The following NBEA variants were observed in gnomAD, a reference collection of about 807,000 sequenced individuals.
NBEA encodes the protein lysosomal-trafficking regulator 2.
In NBEA, 44 loss-of-function variants were observed where a neutral mutation model predicts 343.4. The ratio of observed to expected loss-of-function variants is 0.13; its 90% CI spans 0.10 to 0.16. The LOEUF is 0.16. Among genes scored for constraint, NBEA ranks in the 10% least tolerant of loss-of-function variants. The probability of loss-of-function intolerance (pLI) is 1.00; values close to 1 mark genes in which losing one functional copy is unlikely to be tolerated. For synonymous variants in NBEA, 1,175 were observed against 1,238.7 expected (o/e 0.95, Z 1.08); for missense variants, 2,555 against 3,631.3 (o/e 0.70, Z 7.62).
chr13:35,211,258 AAG>A (rs2073752968), intron 33 of NBEA, 79 bp downstream of exon 33: 2 of 1,225,166 alleles, frequency 1.6e-6, no homozygotes, highest in African/African-American at 1.5e-5. Context: ...AAAATATAGA[AAG>A]AGTTCTTGAG....
intron 40 of NBEA, among the ~76,000 whole-genome samples, chr13:35,464,361 G>A (rs1286291143): frequency 4.6e-5 from 7 of 152,018 alleles, no homozygotes. Context: ...CTGTGTTTTT[G>A]TCCAAACTAT....
intron 38 of NBEA, among the ~76,000 whole-genome samples, chr13:35,424,616 C>T (rs1443815842): frequency 3.9e-5 from 6 of 151,956 alleles, no homozygotes; most frequent in Non-Finnish European, 7.4e-5. Context: ...TTCTCTTTTT[C>T]AGTTGGGTCT....
Position 35,096,781 on chromosome 13 carries a change from G to C in NBEA, c.1572-1516G>C, listed in dbSNP as rs189553703. Among the ~76,000 whole-genome samples the C allele has an allele frequency of 1.6e-3, 248 of 151,860 alleles. 1 individual carries two copies. The highest frequency in any genetic ancestry group is 5.8e-3 in the African/African-American group (241 of 41,500). On this transcript the variant is annotated intron_variant, in intron 10 of 58. Transcript: ENST00000379939. The stretch of plus-strand genomic sequence containing the variant: ...GTAATATAGTACTTAGCAATTATTC[G>C]TGAAGTGGCCTTGACTATTCAATTC...
chr13:35,247,068 G>A (rs2031314777), intron 34 of NBEA, among the ~76,000 whole-genome samples: 1 of 152,098 alleles, frequency 6.6e-6, no homozygotes, highest in Non-Finnish European at 1.5e-5. Context: ...GGAAGTGCAG[G>A]AAAGCCAGCA....
intron 45 of NBEA, among the ~76,000 whole-genome samples, chr13:35,580,047 T>G (rs1402326639): frequency 1.3e-5 from 2 of 152,142 alleles, no homozygotes; most frequent in African/African-American, 4.8e-5. Context: ...AAACAGTGCC[T>G]TTTTGCAAGC....
chr13:35,628,025 A>T, intron 48 of NBEA, 56 bp from the exon 49 acceptor site: 1 of 1,332,828 alleles, frequency 7.5e-7, no homozygotes, highest in South Asian at 1.4e-5. Flanking sequence ...AAATAAAAGG[A>T]TATGAAGGTG....
intron 33 of NBEA, among the ~76,000 whole-genome samples, chr13:35,211,976 T>A (rs973896966): frequency 1.3e-5 from 2 of 150,184 alleles, no homozygotes; most frequent in African/African-American, 4.9e-5. Flanking sequence ...GCCCTCATTC[T>A]TGGAGTAAGA....
At chr13:35,473,916 G>A (rs879853342) in intron 41 of NBEA, among the ~76,000 whole-genome samples, 4 of 152,026 alleles carry the variant, frequency 2.6e-5, no homozygotes, top group Non-Finnish European at 4.4e-5. Context: ...TGTCATGATA[G>A]ACTTTTTTTC....
chr13:35,440,741 A>G (rs1315201757), intron 39 of NBEA, among the ~76,000 whole-genome samples: 1 of 152,192 alleles, frequency 6.6e-6, no homozygotes. Flanking sequence ...AACCATAGAA[A>G]TTAGGGGACA....
At chr13:35,316,250 C>T (rs934279390) in intron 36 of NBEA, among the ~76,000 whole-genome samples, 1 of 151,980 alleles carries the variant, frequency 6.6e-6, no homozygotes, top group African/African-American at 2.4e-5. Flanking sequence ...TAATGCTATC[C>T]CTCCCCTAGT....
intron 38 of NBEA, among the ~76,000 whole-genome samples, chr13:35,377,391 G>A (rs1190761485): frequency 6.6e-6 from 1 of 152,184 alleles, no homozygotes; most frequent in African/African-American, 2.4e-5. Context: ...TGTTGAGGCT[G>A]GCCATGAGAA....
intron 24 of NBEA, among the ~76,000 whole-genome samples, chr13:35,165,621 G>T (rs2069949492): frequency 6.6e-6 from 1 of 151,350 alleles, no homozygotes; most frequent in Non-Finnish European, 1.5e-5. Flanking sequence ...ATTGAGAGTT[G>T]TGTATGATTT....
intron 34 of NBEA, among the ~76,000 whole-genome samples, chr13:35,255,557 C>T (rs1457406848): frequency 2.0e-5 from 3 of 152,220 alleles, no homozygotes; most frequent in Non-Finnish European, 4.4e-5. Context: ...GCGCTAGCTT[C>T]ATGCAGGCCT....
intron 28 of NBEA, among the ~76,000 whole-genome samples, chr13:35,179,561 A>G (rs2152728500): frequency 6.6e-6 from 1 of 151,744 alleles, no homozygotes; most frequent in East Asian, 1.9e-4. Context: ...AAAATAAAAA[A>G]AAAAGCTAAC....
At chr13:35,482,066 C>T (rs2076139585) in intron 41 of NBEA, among the ~76,000 whole-genome samples, 1 of 151,574 alleles carries the variant, frequency 6.6e-6, no homozygotes, top group Non-Finnish European at 1.5e-5. Context: ...TAATCAACTT[C>T]CAGTGATTAC....
chr13:35,468,420 C>G (rs1021693130), intron 40 of NBEA, among the ~76,000 whole-genome samples: 1 of 152,272 alleles, frequency 6.6e-6, no homozygotes, highest in Admixed American at 6.5e-5. Flanking sequence ...CCTCTTTTGG[C>G]TAATATGAGT....
chr13:35,457,320 A>G (rs1187506885), intron 40 of NBEA, among the ~76,000 whole-genome samples: 1 of 152,130 alleles, frequency 6.6e-6, no homozygotes, highest in Non-Finnish European at 1.5e-5. Flanking sequence ...ACAGTGTACA[A>G]TTTAGTGATT....
intron 1 of NBEA, among the ~76,000 whole-genome samples, chr13:34,968,110 CAGCTT>C (rs2059883737): frequency 6.6e-6 from 1 of 152,070 alleles, no homozygotes. Context: ...ATAAAGGAAA[CAGCTT>C]AGGAACAGCC....
intron 33 of NBEA, among the ~76,000 whole-genome samples, chr13:35,227,824 T>G (rs1331876873): frequency 6.6e-6 from 1 of 151,972 alleles, no homozygotes; most frequent in Admixed American, 6.6e-5. Flanking sequence ...GAATACACAA[T>G]GTATGTAGGG....
Sources: allele counts gnomAD v4.1 joint callset (sites outside exome capture counted in the v4.1 genomes callset), GRCh38; gene constraint gnomAD v4.1.1; transcripts MANE v1.5; gene names NCBI Gene and HGNC (gene_info 2026-07-23, HGNC 2026-07-21).